Variants in NLGN1 observed in about 807,000 individuals in gnomAD.
The protein encoded by NLGN1 is neuroligin 1.
NLGN1 carries 12 observed loss-of-function variants against 65.5 expected under a neutral mutation model. That is an observed-to-expected ratio of 0.18 (90% CI 0.12 to 0.30). The LOEUF (loss-of-function observed/expected upper bound fraction) is 0.30. Among genes scored for constraint, NLGN1 ranks in the 10% least tolerant of loss-of-function variants. The pLI is 1.00. For synonymous variants in NLGN1, 350 were observed against 359.5 expected (o/e 0.97, Z 0.30); for missense variants, 750 against 1,007.1 (o/e 0.74, Z 3.46).
intron 3 of NLGN1, among the ~76,000 whole-genome samples, chr3:173,606,152 G>C (rs757193179): frequency 1.3e-5 from 2 of 151,998 alleles, no homozygotes; most frequent in Non-Finnish European, 2.9e-5. Flanking sequence ...CACTTTTCCA[G>C]AGGAGAATGA....
chr3:174,123,704 C>G (rs1553939062), intron 4 of NLGN1, among the ~76,000 whole-genome samples: 1 of 152,050 alleles, frequency 6.6e-6, no homozygotes, highest in Non-Finnish European at 1.5e-5. Context: ...TCTATTCTGC[C>G]TATAGGTGCC....
intron 4 of NLGN1, among the ~76,000 whole-genome samples, chr3:173,974,600 A>G (rs1422103794): frequency 6.6e-6 from 1 of 152,064 alleles, no homozygotes; most frequent in Non-Finnish European, 1.5e-5. Flanking sequence ...TTAGAAACAT[A>G]TGAATAAAAT....
At chr3:174,070,052 T>G (rs1560970124) in intron 4 of NLGN1, among the ~76,000 whole-genome samples, 1 of 152,170 alleles carries the variant, frequency 6.6e-6, no homozygotes, top group Non-Finnish European at 1.5e-5. Flanking sequence ...TACATAAATA[T>G]TAGCTGTCGC....
chr3:173,400,645 C>G (rs1304863222), intron 1 of NLGN1, among the ~76,000 whole-genome samples: 1 of 152,092 alleles, frequency 6.6e-6, no homozygotes, highest in Admixed American at 6.5e-5. Context: ...CTTCCTGTAC[C>G]CTTACTCTGA....
At chr3:173,432,181 A>G (rs951315355) in intron 1 of NLGN1, among the ~76,000 whole-genome samples, 3 of 152,228 alleles carry the variant, frequency 2.0e-5, no homozygotes, top group Non-Finnish European at 4.4e-5. Flanking sequence ...TAAAACTGCT[A>G]TAAACACCTG....
At chr3:174,291,453 TA>T, downstream of NLGN1, among the ~76,000 whole-genome samples, 1 of 151,310 alleles carries the variant, frequency 6.6e-6, no homozygotes, top group South Asian at 2.1e-4. Flanking sequence ...CTAATAAGTT[TA>T]ATGACTATCA....
chr3:173,583,969 G>C lies in NLGN1; in HGVS notation c.-320-20310G>C, dbSNP rs1267842013. On this transcript the variant is annotated intron_variant, in intron 2 of 6. Coordinates refer to ENST00000457714, the Ensembl canonical transcript of NLGN1. ...CTCAGGAAGAGTGAGGCTTCTTTTAGGTCGATAGTTATTAAAGAAACAAAT... is the reference window on the plus strand; with the variant it reads ...CTCAGGAAGAGTGAGGCTTCTTTTACGTCGATAGTTATTAAAGAAACAAAT... Among the ~76,000 whole-genome samples, 6 of 151,942 alleles carry C rather than the reference G, an allele frequency of 3.9e-5. No individual in the cohort carries two copies. In the East Asian group the frequency reaches 1.2e-3, roughly 29 times the overall value.
At chr3:173,788,948 A>C (rs1208983523) in intron 3 of NLGN1, among the ~76,000 whole-genome samples, 1 of 151,534 alleles carries the variant, frequency 6.6e-6, no homozygotes, top group African/African-American at 2.4e-5. Flanking sequence ...CTGTAATCCC[A>C]GCACTTTGGG....
chr3:174,004,067 C>G (rs1209831404), intron 4 of NLGN1, among the ~76,000 whole-genome samples: 1 of 152,018 alleles, frequency 6.6e-6, no homozygotes, highest in African/African-American at 2.4e-5. Context: ...TTTTGTTTTT[C>G]AGTGTCACTT....
chr3:174,270,419 G>T (rs559114821), intron 4 of NLGN1, among the ~76,000 whole-genome samples: 1 of 151,764 alleles, frequency 6.6e-6, no homozygotes, highest in East Asian at 1.9e-4. Flanking sequence ...CCATTGCATA[G>T]TCTTGGCACC....
chr3:173,938,830 G>T (rs1312667712), intron 4 of NLGN1, among the ~76,000 whole-genome samples: 2 of 151,986 alleles, frequency 1.3e-5, no homozygotes, highest in Non-Finnish European at 2.9e-5. Flanking sequence ...CCCAGCATCA[G>T]TGATTTATGA....
chr3:173,844,659 T>A (rs968248530), intron 4 of NLGN1, among the ~76,000 whole-genome samples: 14 of 152,202 alleles, frequency 9.2e-5, no homozygotes, highest in African/African-American at 3.1e-4. Flanking sequence ...TGATTTAGGC[T>A]GTGAGTATTT....
chr3:174,217,309 ATC>A (rs1205427288), intron 4 of NLGN1, among the ~76,000 whole-genome samples: 1 of 152,174 alleles, frequency 6.6e-6, no homozygotes, highest in Non-Finnish European at 1.5e-5. Context: ...AACTGATTGC[ATC>A]TGCAAAGACC....
chr3:174,191,563 C>T (rs548539449), intron 4 of NLGN1, among the ~76,000 whole-genome samples: 4 of 152,202 alleles, frequency 2.6e-5, no homozygotes, highest in East Asian at 3.9e-4. Context: ...GTGTGTCTCT[C>T]GCCAAAAATG....
chr3:173,777,452 A>G (rs544876919), intron 3 of NLGN1, among the ~76,000 whole-genome samples: 11 of 151,938 alleles, frequency 7.2e-5, no homozygotes, highest in Non-Finnish European at 1.6e-4. Flanking sequence ...ACATTATGTA[A>G]TGATCAAATC....
chr3:174,257,200 A>C (rs2152852370), intron 4 of NLGN1, among the ~76,000 whole-genome samples: 1 of 152,358 alleles, frequency 6.6e-6, no homozygotes, highest in Non-Finnish European at 1.5e-5. Flanking sequence ...TCAAAATCGC[A>C]ATGAGATACC....
chr3:173,686,302 T>C (rs539857854), intron 3 of NLGN1, among the ~76,000 whole-genome samples: 25 of 151,290 alleles, frequency 1.7e-4, no homozygotes, highest in African/African-American at 6.1e-4. Flanking sequence ...AGAAACAAAA[T>C]AAAATTACCC....
At chr3:173,963,408 C>T (rs1241504600) in intron 4 of NLGN1, among the ~76,000 whole-genome samples, 1 of 152,156 alleles carries the variant, frequency 6.6e-6, no homozygotes, top group East Asian at 1.9e-4. Flanking sequence ...TCATAAATTT[C>T]ACTTCACAGG....
chr3:173,823,024 A>G (rs1003279729), intron 4 of NLGN1, among the ~76,000 whole-genome samples: 1 of 152,084 alleles, frequency 6.6e-6, no homozygotes, highest in Non-Finnish European at 1.5e-5. Flanking sequence ...ACTGTTCTAT[A>G]TGACTCAAGT....
Sources: gnomAD v4.1 joint callset for allele counts (sites outside exome capture counted in the v4.1 genomes callset) on GRCh38, gnomAD v4.1.1 for gene constraint, MANE v1.5 for transcripts, NCBI Gene and HGNC (gene_info 2026-07-23, HGNC 2026-07-21) for gene names.